The following CLIP1 variants were observed in gnomAD, a reference collection of about 807,000 sequenced individuals.
CLIP1 encodes CAP-Gly domain-containing linker protein 1.
Under a neutral mutation model 161.6 loss-of-function variants are expected in CLIP1, and 66 were observed. That is an observed-to-expected ratio of 0.41 (90% CI 0.33 to 0.50). The LOEUF is 0.50. Among genes scored for constraint, CLIP1 ranks in the 20% least tolerant of loss-of-function variants. The pLI, the probability that CLIP1 is intolerant of heterozygous loss-of-function variation, is 0.27. For missense variants in CLIP1, 1,376 were observed against 1,702.0 expected, an observed-to-expected ratio of 0.81 and a Z score of 3.37; for synonymous variants, 598 against 626.2, an observed-to-expected ratio of 0.96 and a Z score of 0.67.
Position 122,323,244 on chromosome 12 carries a change from A to G in CLIP1, c.3250-3896T>C, listed in dbSNP as rs1410661822. On this transcript the variant is annotated intron_variant, in intron 17 of 25. Coordinates refer to ENST00000620786, the MANE Select transcript of CLIP1 (RefSeq NM_001247997.2). This position sits in a 1 kb window ranked among gnomAD's most constrained non-coding sequence, Gnocchi z 4.1. ...GCCATCTCCTTCTCGGAAGTCAGGT[A>G]AGTGATCTTCTCATTCAGGCTCATC... 1 of 152,598 alleles carries G rather than the reference A, an allele frequency of 6.6e-6. No individual in the cohort carries two copies. The highest frequency in any genetic ancestry group is 1.5e-5 in the Non-Finnish European group (1 of 68,032). The allele number at this position is 152,598 out of a possible 1,614,324, so 9.5% of individuals were successfully genotyped here.
chr12:122,404,687 ATCC>A (rs386767102), intron 1 of CLIP1, among the ~76,000 whole-genome samples: 96,620 of 150,746 alleles, frequency 0.64, 31,360 homozygotes, highest in African/African-American at 0.66. Flanking sequence ...ACGAGGTCGG[ATCC>A]ATCAAGACCA....
At position 122,287,187 on chromosome 12, in the gene CLIP1, AAAAAAAG is replaced by A. The variant is rs144381184; in HGVS notation, c.3647+1295_3647+1301del. ...AGATCATGTCTGAAAAAAATAAATT[AAAAAAAG>A]AAAAAAGAAAATGCATCCCTGGACC... On this transcript the variant is annotated intron_variant, in intron 21 of 25. Transcript: ENST00000620786. Among the ~76,000 whole-genome samples, 46 of 152,230 alleles carry A rather than the reference AAAAAAAG, an allele frequency of 3.0e-4. No homozygotes were observed. In the East Asian group the frequency reaches 6.6e-3, roughly 22 times the overall value.
intron 23 of CLIP1, 32 bp downstream of exon 23, chr12:122,278,759 TG>T: frequency 6.5e-7 from 1 of 1,542,008 alleles, no homozygotes; most frequent in Non-Finnish European, 8.7e-7. Flanking sequence ...GGACGCGGGG[TG>T]TACAGAGAAG....
intron 3 of CLIP1, chr12:122,365,472 G>A (rs1244338158): frequency 1.4e-5 from 11 of 785,330 alleles, no homozygotes; most frequent in South Asian, 9.4e-5. Context: ...TTCCTGAAAC[G>A]CGTGAAGGAA....
intron 1 of CLIP1, among the ~76,000 whole-genome samples, chr12:122,385,124 G>A (rs1188069584): frequency 2.0e-5 from 3 of 151,798 alleles, no homozygotes; most frequent in Non-Finnish European, 4.4e-5. Flanking sequence ...GTAGAGACGG[G>A]GTTTCACCAT....
intron 21 of CLIP1, 54 bp downstream of exon 21, chr12:122,288,435 T>C (rs1251401230): frequency 4.1e-6 from 6 of 1,460,082 alleles, no homozygotes; most frequent in Non-Finnish European, 5.6e-6. Context: ...ACACATATCA[T>C]GTTCTGACAT....
intron 15 of CLIP1, among the ~76,000 whole-genome samples, chr12:122,330,882 T>C (rs969217375): frequency 6.6e-6 from 1 of 151,746 alleles, no homozygotes; most frequent in Non-Finnish European, 1.5e-5. Context: ...ATGACAGGCC[T>C]GAGCCACCAC....
chr12:122,319,531 T>A (rs1951401986), intron 17 of CLIP1, among the ~76,000 whole-genome samples, 183 bp from the exon 18 acceptor site: 1 of 152,264 alleles, frequency 6.6e-6, no homozygotes. Context: ...AGGTCTTTAC[T>A]CTGAAGTAGA....
chr12:122,333,990 T>G, intron 14 of CLIP1, 37 bp downstream of exon 14: 2 of 1,277,866 alleles, frequency 1.6e-6, no homozygotes, highest in Non-Finnish European at 2.3e-6. Context: ...GAAAGCCTAC[T>G]GTATTTAATG....
In CLIP1 at chr12:122,311,426, ATTATTT is replaced by A. The variant is rs1230398559; in HGVS notation, c.3474-1550_3474-1545del. Among the ~76,000 whole-genome samples the A allele has an allele frequency of 6.6e-6, 1 of 151,350 alleles. No individual in the cohort carries two copies. Among genetic ancestry groups the A allele is most frequent in the Non-Finnish European group, 1.5e-5 (1 of 67,902 alleles). On this transcript the variant is annotated intron_variant, in intron 19 of 25. Transcript: ENST00000620786. The surrounding 1 kb of genome is among the most constrained non-coding windows in gnomAD (Gnocchi z 4.3). ...CTATAAAAACAAAATTATTATTATT[ATTATTT>A]TTTTTTTTTTGAGACAGAGTCTCGC...
intron 1 of CLIP1, among the ~76,000 whole-genome samples, chr12:122,397,140 G>A (rs895123246): frequency 4.6e-5 from 7 of 151,636 alleles, no homozygotes; most frequent in Admixed American, 1.3e-4. Context: ...GTATGATCAC[G>A]TGACTGAGTT....
At position 122,377,778 on chromosome 12, in the gene CLIP1, T is replaced by C. The variant is rs1400390845; in HGVS notation, c.268A>G (p.Ile90Val). The C allele has an allele frequency of 6.2e-7, 1 of 1,613,928 alleles. No homozygotes were observed. The highest frequency in any genetic ancestry group is 2.2e-5 in the East Asian group (1 of 44,864). ...TTGCCTATGGGTTCATCTAAAACAA[T>C]TCCAGCCCACTGGCCTGGTGCAAAC... ...TQFAPGQWAGIVLDEPIGKND... is the reference protein window; with the variant it reads ...TQFAPGQWAGVVLDEPIGKND... The change falls in exon 3 of 26, where the codon ATT (isoleucine) becomes GTT (valine). Residue 90 changes from isoleucine to valine, a missense_variant. This residue lies in a region of CLIP1 where 27 missense variants were observed against 64.1 expected (regional missense o/e 0.42). Coordinates refer to ENST00000620786, the MANE Select transcript of CLIP1 (RefSeq NM_001247997.2).
chr12:122,340,792 A>T lies in CLIP1; in HGVS notation c.2412T>A (p.Ile804=). ...RQQLEAAEKQ[I]KHLEIEKNAE... ...CATTCTTTTCAATCTCTAAATGTTTAATCTGTTTCTCAGCTGCCTCAAGCT... is the reference window on the plus strand; with the variant it reads ...CATTCTTTTCAATCTCTAAATGTTTTATCTGTTTCTCAGCTGCCTCAAGCT... Residue 804 remains isoleucine, a synonymous_variant, in exon 11 of 26, where the codon ATT becomes ATA. Coordinates refer to ENST00000620786, the MANE Select transcript of CLIP1 (RefSeq NM_001247997.2). The T allele has an allele frequency of 3.1e-6, 5 of 1,605,032 alleles. No individual in the cohort carries two copies. Among genetic ancestry groups the T allele is most frequent in the Non-Finnish European group, 4.3e-6 (5 of 1,176,452 alleles).
chr12:122,397,872 T>C (rs2137047302), intron 1 of CLIP1, among the ~76,000 whole-genome samples: 1 of 151,772 alleles, frequency 6.6e-6, no homozygotes, highest in Admixed American at 6.6e-5. Flanking sequence ...GGATAATCGC[T>C]TGAAGCCAGG....
intron 24 of CLIP1, chr12:122,276,325 G>C: frequency 8.6e-7 from 1 of 1,167,072 alleles, no homozygotes; most frequent in South Asian, 1.5e-5. Flanking sequence ...ATCGTGTTAA[G>C]AGCTCCATTT....
rs1566198620 is a variant in CLIP1 at position 122,379,943 on chromosome 12, T to TAAAAAAAA, written c.85+424_85+425insTTTTTTTT. On this transcript the variant is annotated intron_variant, in intron 2 of 25. Coordinates refer to ENST00000620786, the MANE Select transcript of CLIP1 (RefSeq NM_001247997.2). Reference sequence around the variant, plus strand: ...TGGGGAATAGAGCAAGACTCCATCTTTAAAAAAAAAAAAAAAAAATGCAAG... The same window carrying TAAAAAAAA: ...TGGGGAATAGAGCAAGACTCCATCTTAAAAAAAATAAAAAAAAAAAAAAAAAATGCAAG... Among the ~76,000 whole-genome samples the TAAAAAAAA allele has an allele frequency of 8.8e-4, 62 of 70,404 alleles. 10 individuals carry two copies. In the East Asian group the frequency reaches 0.024, roughly 27 times the overall value. 46.2% of individuals were successfully genotyped at this position (70,404 alleles called of 152,430 possible).
At position 122,279,267 on chromosome 12, in the gene CLIP1, G is replaced by A; in HGVS notation, c.3648-122C>T. 3.1e-6 allele frequency: 2 copies of A among 644,244 alleles called. No homozygotes were observed. The highest frequency in any genetic ancestry group is 2.5e-6 in the Non-Finnish European group (1 of 395,982). The allele number at this position is 644,244 out of a possible 1,614,324, so 39.9% of individuals were successfully genotyped here. The stretch of plus-strand genomic sequence containing the variant: ...GTAAAAAAAAAAATATAACAGGGAA[G>A]TTTTATAGGGAGTTAAGGCCATTAT... On this transcript the variant is annotated intron_variant, in intron 21 of 25. Transcript: ENST00000620786. The surrounding 1 kb of genome is among the most constrained non-coding windows in gnomAD (Gnocchi z 4.5).
intron 1 of CLIP1, among the ~76,000 whole-genome samples, chr12:122,392,834 T>A (rs934840010): frequency 3.3e-5 from 5 of 152,060 alleles, no homozygotes; most frequent in Non-Finnish European, 7.4e-5. Context: ...CAGGCTGGAG[T>A]GCAGTGGCCC....
In CLIP1 at chr12:122,319,341, T is replaced by G; in HGVS notation, c.3257A>C (p.Gln1086Pro). ...RKQADKAKAA[Q>P]TAEDAMQIME... ...TATCTGCATGGCATCTTCCGCTGTT[T>G]GAGCAGCCTAAATACAAGGAAACAC... The change falls in exon 18 of 26, where the codon CAA (glutamine) becomes CCA (proline). Residue 1086 changes from glutamine (Q) to proline (P), a missense_variant. Around this residue, in one of 6 missense-constraint regions of CLIP1, gnomAD observed 948 missense variants for 1,134.8 expected, o/e 0.84. Transcript: ENST00000620786. 6.2e-7 allele frequency: 1 copy of G among 1,612,944 alleles called. No individual in the cohort carries two copies. Among genetic ancestry groups the G allele is most frequent in the Non-Finnish European group, 8.5e-7 (1 of 1,178,856 alleles).
Sources: gnomAD v4.1 joint callset for allele counts (sites outside exome capture counted in the v4.1 genomes callset) on GRCh38, gnomAD v4.1.1 for gene constraint, gnomAD v4.1.1 regional missense constraint, Gnocchi (gnomAD v3.1) non-coding constraint, MANE v1.5 for transcripts, NCBI Gene and HGNC (gene_info 2026-07-23, HGNC 2026-07-21) for gene names.